Variants in OR6N1 observed in about 807,000 individuals in gnomAD.
The protein encoded by OR6N1 is olfactory receptor 6N1.
For synonymous variants in OR6N1, 170 were observed against 150.7 expected, an observed-to-expected ratio of 1.13 and a Z score of -0.94; for missense variants, 394 against 371.7, an observed-to-expected ratio of 1.06 and a Z score of -0.49.
the OR6N1 span, among the ~76,000 whole-genome samples, chr1:158,831,757 A>G: frequency 6.6e-6 from 1 of 152,196 alleles, no homozygotes; most frequent in African/African-American, 2.4e-5. Context: ...AACCAAAAAA[A>G]TGTATTTTGT....
At chr1:158,833,473 C>T in the OR6N1 span, among the ~76,000 whole-genome samples, 4 of 152,204 alleles carry the variant, frequency 2.6e-5, no homozygotes, top group African/African-American at 7.2e-5. Context: ...CGTTAACCAA[C>T]AATTTCACCA....
upstream of OR6N1, chr1:158,777,176 G>T: frequency 6.2e-7 from 1 of 1,614,120 alleles, no homozygotes; most frequent in Non-Finnish European, 8.5e-7. Context: ...ATGGGACACA[G>T]GAAGCCACAA....
the OR6N1 span, among the ~76,000 whole-genome samples, chr1:158,798,721 A>G: frequency 1.3e-5 from 2 of 151,268 alleles, no homozygotes; most frequent in East Asian, 3.9e-4. Flanking sequence ...TTATTCTACA[A>G]ATAATTTATA....
chr1:158,769,043 T>G (rs1323915888), intron 1 of OR6N1, among the ~76,000 whole-genome samples: 1 of 152,194 alleles, frequency 6.6e-6, no homozygotes, highest in East Asian at 1.9e-4. Context: ...TCAATAAATA[T>G]TTATGTAATT....
the OR6N1 span, among the ~76,000 whole-genome samples, chr1:158,785,170 T>G: frequency 9.7e-4 from 147 of 152,328 alleles, 1 homozygote; most frequent in African/African-American, 3.4e-3. Flanking sequence ...CTCTACTTCT[T>G]TGGAGAATTT....
the OR6N1 span, among the ~76,000 whole-genome samples, chr1:158,787,150 A>T: frequency 6.6e-6 from 1 of 151,766 alleles, no homozygotes; most frequent in Non-Finnish European, 1.5e-5. Context: ...TTTTTGTGAG[A>T]TCTTGTTGCT....
chr1:158,782,923 C>A, the OR6N1 span, among the ~76,000 whole-genome samples: 2 of 152,032 alleles, frequency 1.3e-5, no homozygotes, highest in Admixed American at 1.3e-4. Context: ...ACATAAAGAG[C>A]AAAATACAAA....
chr1:158,835,182 T>G, the OR6N1 span, among the ~76,000 whole-genome samples: 1 of 152,216 alleles, frequency 6.6e-6, no homozygotes, highest in Non-Finnish European at 1.5e-5. Context: ...CAGATTACAT[T>G]GCAAATTGCA....
the OR6N1 span, among the ~76,000 whole-genome samples, chr1:158,800,563 G>A: frequency 6.6e-6 from 1 of 152,146 alleles, no homozygotes; most frequent in Non-Finnish European, 1.5e-5. Flanking sequence ...CATTTAATAG[G>A]TGGGGACCCC....
chr1:158,809,979 C>T, the OR6N1 span, among the ~76,000 whole-genome samples: 1 of 152,092 alleles, frequency 6.6e-6, no homozygotes, highest in Non-Finnish European at 1.5e-5. Context: ...AGCAAAGAAG[C>T]CAGAGGTCCT....
the OR6N1 span, among the ~76,000 whole-genome samples, chr1:158,818,868 T>A: frequency 9.2e-5 from 14 of 152,290 alleles, no homozygotes; most frequent in South Asian, 2.9e-3. Flanking sequence ...TTGGAGGACA[T>A]GGGTACCTCA....
At chr1:158,804,803 CTATT>C in the OR6N1 span, among the ~76,000 whole-genome samples, 3 of 151,944 alleles carry the variant, frequency 2.0e-5, no homozygotes, top group African/African-American at 7.3e-5. Flanking sequence ...ATTCATTTAT[CTATT>C]TATTTAATAC....
At chr1:158,796,071 T>A in the OR6N1 span, 1 of 152,298 alleles carries the variant, frequency 6.6e-6, no homozygotes, top group East Asian at 1.9e-4. Flanking sequence ...GTCTGACTCC[T>A]AGTATAACCT....
chr1:158,776,911 G>A (rs144392860), upstream of OR6N1: 13 of 1,613,910 alleles, frequency 8.1e-6, no homozygotes, highest in African/African-American at 1.7e-4. Flanking sequence ...AAGATGTGAG[G>A]CACAGGTAGA....
At chr1:158,775,147 C>T (rs1429046367), upstream of OR6N1, 1 of 152,082 alleles carries the variant, frequency 6.6e-6, no homozygotes, top group Non-Finnish European at 1.5e-5. Context: ...TGTCCACAAA[C>T]ACATAAATTG....
At chr1:158,825,454 G>A in the OR6N1 span, among the ~76,000 whole-genome samples, 17 of 151,204 alleles carry the variant, frequency 1.1e-4, no homozygotes. Context: ...AAAAAAAAGT[G>A]AGCAAAAGAC....
chr1:158,790,562 G>A, the OR6N1 span, among the ~76,000 whole-genome samples: 1 of 151,970 alleles, frequency 6.6e-6, no homozygotes, highest in African/African-American at 2.4e-5. Flanking sequence ...TCGCCACCAC[G>A]CCTGGCTAAT....
chr1:158,828,373 T>C, the OR6N1 span, among the ~76,000 whole-genome samples: 236 of 152,304 alleles, frequency 1.5e-3, no homozygotes, highest in Non-Finnish European at 1.9e-3. Context: ...ATACAGGCAC[T>C]GGGAAAATAC....
the OR6N1 span, among the ~76,000 whole-genome samples, chr1:158,816,383 G>A: frequency 2.6e-5 from 4 of 151,996 alleles, no homozygotes; most frequent in Non-Finnish European, 5.9e-5. Flanking sequence ...GAAAGAGATG[G>A]TCAAAGAGAG....
Sources: allele counts gnomAD v4.1 joint callset (sites outside exome capture counted in the v4.1 genomes callset), GRCh38; gene constraint gnomAD v4.1.1; transcripts MANE v1.5; gene names NCBI Gene and HGNC (gene_info 2026-07-23, HGNC 2026-07-21).